KLF8: variants seen among roughly 807,000 people sequenced by gnomAD.
KLF8 encodes KLF transcription factor 8.
In KLF8, 10 loss-of-function variants were observed where a neutral mutation model predicts 18.2. That is an observed-to-expected ratio of 0.55 (90% CI 0.34 to 0.93). KLF8 has a LOEUF of 0.93. Among genes scored for constraint, KLF8 ranks in the 40% least tolerant of loss-of-function variants. The pLI is 0.02. For synonymous variants in KLF8, 109 were observed against 97.3 expected (o/e 1.12, Z -0.71); for missense variants, 264 against 277.9 (o/e 0.95, Z 0.36).
chrX:56,143,785 C>T, the KLF8 span, among the ~76,000 whole-genome samples: 1 of 111,818 alleles, frequency 8.9e-6, no homozygotes, highest in South Asian at 3.7e-4. Context: ...TTTGTTGCAA[C>T]CATTTAAACA....
chrX:56,252,175 G>T (rs926518287), intron 2 of KLF8, among the ~76,000 whole-genome samples: 3 of 110,758 alleles, frequency 2.7e-5, no homozygotes, highest in Non-Finnish European at 5.7e-5. Flanking sequence ...ACCACGCCCA[G>T]CTAATTGTTT....
At chrX:56,113,200 A>G in the KLF8 span, among the ~76,000 whole-genome samples, 54 of 88,906 alleles carry the variant, frequency 6.1e-4, no homozygotes, top group African/African-American at 2.7e-3. Flanking sequence ...TCCATCTCAG[A>G]AAAAAAAAAA....
At chrX:55,999,051 T>C in the KLF8 span, among the ~76,000 whole-genome samples, 1 of 109,668 alleles carries the variant, frequency 9.1e-6, no homozygotes, top group African/African-American at 3.3e-5. Context: ...TTTCGTACTT[T>C]GGCTTGTGGC....
the KLF8 span, among the ~76,000 whole-genome samples, chrX:55,942,805 C>G: frequency 2.7e-5 from 3 of 112,196 alleles, no homozygotes; most frequent in Non-Finnish European, 5.6e-5. Flanking sequence ...GAATTGAAGG[C>G]AAGTTCAGAC....
the KLF8 span, among the ~76,000 whole-genome samples, chrX:55,918,477 G>T: frequency 8.9e-6 from 1 of 112,360 alleles, no homozygotes; most frequent in East Asian, 2.8e-4. Flanking sequence ...TGGCATATTT[G>T]TTTTCTGATG....
the KLF8 span, among the ~76,000 whole-genome samples, chrX:55,920,736 T>TA: frequency 6.3e-5 from 7 of 111,470 alleles, no homozygotes; most frequent in Admixed American, 4.8e-4. Flanking sequence ...AAAAGAATTT[T>TA]AAAAAATGAA....
chrX:56,030,074 G>C, the KLF8 span, among the ~76,000 whole-genome samples: 34 of 112,591 alleles, frequency 3.0e-4, no homozygotes, highest in African/African-American at 1.0e-3. Flanking sequence ...TGGATTGAAA[G>C]GAATGTACAT....
chrX:56,185,622 G>A, the KLF8 span, among the ~76,000 whole-genome samples: 1 of 111,945 alleles, frequency 8.9e-6, no homozygotes, highest in Admixed American at 9.5e-5. Context: ...AGCAGCCAGA[G>A]AGAAAGGTCG....
the KLF8 span, among the ~76,000 whole-genome samples, chrX:56,113,346 C>T: frequency 6.3e-3 from 687 of 108,829 alleles, 10 homozygotes; most frequent in Middle Eastern, 0.014. Flanking sequence ...GAAAACTGGA[C>T]ATTTTAAATG....
At chrX:56,283,575 G>A (rs775419220) in intron 5 of KLF8, among the ~76,000 whole-genome samples, 108 of 110,825 alleles carry the variant, frequency 9.7e-4, no homozygotes, top group African/African-American at 3.4e-3. Flanking sequence ...GTTTCACCGT[G>A]TTAGCCAGGA....
At chrX:55,957,811 A>G in the KLF8 span, among the ~76,000 whole-genome samples, 1 of 111,450 alleles carries the variant, frequency 9.0e-6, no homozygotes, top group Non-Finnish European at 1.9e-5. Context: ...AAATTTATCA[A>G]TTTTGGGAAT....
chrX:56,160,304 T>C, the KLF8 span, among the ~76,000 whole-genome samples: 2 of 111,969 alleles, frequency 1.8e-5, no homozygotes, highest in East Asian at 5.6e-4. Context: ...GACCTTTACT[T>C]CCAACTATGT....
intron 1 of KLF8, among the ~76,000 whole-genome samples, chrX:56,237,435 A>G (rs866844716): frequency 3.7e-5 from 4 of 109,302 alleles, no homozygotes; most frequent in African/African-American, 1.0e-4. Flanking sequence ...GTGTGTGTGT[A>G]TATATATATC....
At chrX:55,925,704 A>C in the KLF8 span, among the ~76,000 whole-genome samples, 1 of 111,781 alleles carries the variant, frequency 8.9e-6, no homozygotes, top group Non-Finnish European at 1.9e-5. Context: ...AAAGACCTCA[A>C]GGAGGTGGAA....
At chrX:56,178,798 G>T in the KLF8 span, among the ~76,000 whole-genome samples, 110 of 111,853 alleles carry the variant, frequency 9.8e-4, no homozygotes, top group African/African-American at 3.5e-3. Context: ...GGTTGTAGAT[G>T]TGTGGCATTA....
chrX:55,974,521 C>G, the KLF8 span, among the ~76,000 whole-genome samples: 1 of 111,425 alleles, frequency 9.0e-6, no homozygotes, highest in Non-Finnish European at 1.9e-5. Flanking sequence ...TAATTTTTCA[C>G]AAAGAAGATT....
At chrX:56,056,862 C>A in the KLF8 span, among the ~76,000 whole-genome samples, 8 of 101,652 alleles carry the variant, frequency 7.9e-5, no homozygotes, top group Non-Finnish European at 1.2e-4. Flanking sequence ...AAGAAATGCA[C>A]TACACTGAGG....
At chrX:55,915,471 A>G in the KLF8 span, among the ~76,000 whole-genome samples, 1 of 111,955 alleles carries the variant, frequency 8.9e-6, no homozygotes, top group Non-Finnish European at 1.9e-5. Context: ...ACATATGAAA[A>G]AGATAAAAAT....
chrX:56,254,124 C>T (rs144457575), intron 2 of KLF8, among the ~76,000 whole-genome samples: 326 of 111,303 alleles, frequency 2.9e-3, no homozygotes, highest in African/African-American at 0.01. Context: ...ACAAGAATGT[C>T]ATTGGTATTT....
Sources: allele counts gnomAD v4.1 joint callset (sites outside exome capture counted in the v4.1 genomes callset), GRCh38; gene constraint gnomAD v4.1.1; transcripts MANE v1.5; gene names NCBI Gene and HGNC (gene_info 2026-07-23, HGNC 2026-07-21).